TMEM131L: variants seen among roughly 807,000 people sequenced by gnomAD.
TMEM131L encodes transmembrane 131 like, also known as transmembrane protein 131-like.
TMEM131L carries 54 observed loss-of-function variants against 192.2 expected under a neutral mutation model. The ratio of observed to expected loss-of-function variants is 0.28; its 90% CI spans 0.23 to 0.35. TMEM131L has a LOEUF of 0.35. Among genes scored for constraint, TMEM131L ranks in the 10% least tolerant of loss-of-function variants. TMEM131L has a pLI of 1.00. For missense variants in TMEM131L, 1,888 were observed against 1,972.9 expected, an observed-to-expected ratio of 0.96 and a Z score of 0.82; for synonymous variants, 701 against 704.9, an observed-to-expected ratio of 0.99 and a Z score of 0.09.
At chr4:153,549,887 T>TA (rs1362677900) in intron 3 of TMEM131L, among the ~76,000 whole-genome samples, 186 bp from the exon 4 acceptor site, 1 of 152,230 alleles carries the variant, frequency 6.6e-6, no homozygotes, top group East Asian at 1.9e-4. Flanking sequence ...ACCGTAATCT[T>TA]AAATTATCTT....
At chr4:153,524,939 G>T (rs1472256386) in intron 3 of TMEM131L, among the ~76,000 whole-genome samples, 2 of 152,126 alleles carry the variant, frequency 1.3e-5, no homozygotes, top group Non-Finnish European at 1.5e-5. Flanking sequence ...TATGATATTG[G>T]CTTCATGTTG....
chr4:153,582,425 TTTTTG>T lies in TMEM131L; in HGVS notation c.893-762_893-758del, dbSNP rs796346909. Among the ~76,000 whole-genome samples the T allele has an allele frequency of 1.7e-4, 21 of 124,656 alleles. 1 individual carries two copies. Among genetic ancestry groups the T allele is most frequent in the African/African-American group, 1.0e-3 (21 of 21,092 alleles). The allele number at this position is 124,656 out of a possible 152,430, so 81.8% of individuals were successfully genotyped here. ...ATGCCTGGCTAATTTAAACCGTTTT[TTTTTG>T]TTGTTTTTTTTTTTTTTTTTTTTTT... On this transcript the variant is annotated intron_variant, in intron 9 of 34. Coordinates refer to ENST00000409959, the MANE Select transcript of TMEM131L (RefSeq NM_001131007.2).
intron 14 of TMEM131L, among the ~76,000 whole-genome samples, chr4:153,587,353 A>G (rs968103440): frequency 6.6e-6 from 1 of 152,044 alleles, no homozygotes. Flanking sequence ...ACTTCTGACC[A>G]CTGAGAATGT....
At chr4:153,574,461 G>C (rs1028378170) in intron 7 of TMEM131L, among the ~76,000 whole-genome samples, 2 of 152,180 alleles carry the variant, frequency 1.3e-5, no homozygotes, top group African/African-American at 4.8e-5. Context: ...TGAGTGTTAT[G>C]TGGAAGGCAC....
chr4:153,545,289 A>ATTTTTTTTTTTTTTTTTTT, intron 3 of TMEM131L, among the ~76,000 whole-genome samples: 2 of 102,188 alleles, frequency 2.0e-5, no homozygotes, highest in Admixed American at 9.8e-5. Flanking sequence ...ACTTTTTCAA[A>ATTTTTTTTTTTTTTTTTTT]CTTTTTTTTT....
intron 3 of TMEM131L, among the ~76,000 whole-genome samples, chr4:153,502,319 G>A (rs1031849354): frequency 6.6e-6 from 1 of 152,208 alleles, no homozygotes; most frequent in Non-Finnish European, 1.5e-5. Flanking sequence ...AGACTGGGAA[G>A]AGGAGTCTTT....
intron 3 of TMEM131L, among the ~76,000 whole-genome samples, chr4:153,507,049 A>G (rs1015109840): frequency 8.6e-5 from 13 of 152,012 alleles, no homozygotes; most frequent in Admixed American, 7.2e-4. Flanking sequence ...AGGAATGCAC[A>G]TTTTTTAAGG....
At chr4:153,541,016 T>C (rs1736739349) in intron 3 of TMEM131L, among the ~76,000 whole-genome samples, 1 of 152,202 alleles carries the variant, frequency 6.6e-6, no homozygotes, top group Non-Finnish European at 1.5e-5. Flanking sequence ...TAATGCAAAA[T>C]GTATTTTGTA....
chr4:153,606,751 T>C (rs1732266345), intron 25 of TMEM131L, among the ~76,000 whole-genome samples: 1 of 152,232 alleles, frequency 6.6e-6, no homozygotes, highest in African/African-American at 2.4e-5. Context: ...TTAAAAATAC[T>C]GTTTGGCTGG....
At chr4:153,591,310 G>A in intron 17 of TMEM131L, 116 bp downstream of exon 17, 3 of 971,984 alleles carry the variant, frequency 3.1e-6, no homozygotes, top group Non-Finnish European at 4.4e-6. Context: ...TTAAGGCGAT[G>A]TCAAAAGAAC....
intron 3 of TMEM131L, among the ~76,000 whole-genome samples, chr4:153,546,223 T>C (rs1737165438): frequency 1.3e-5 from 2 of 151,844 alleles, no homozygotes; most frequent in Admixed American, 6.6e-5. Context: ...GCTTTTTTTT[T>C]TTTTTTACAA....
intron 3 of TMEM131L, among the ~76,000 whole-genome samples, chr4:153,544,873 T>A (rs1283750822): frequency 1.3e-5 from 2 of 152,206 alleles, no homozygotes; most frequent in Non-Finnish European, 2.9e-5. Flanking sequence ...CCTGCCTCCG[T>A]GCAGCTGAGC....
At chr4:153,598,839 A>G (rs1174437278) in intron 21 of TMEM131L, 107 bp downstream of exon 21, 5 of 890,996 alleles carry the variant, frequency 5.6e-6, no homozygotes, top group Admixed American at 3.7e-5. Flanking sequence ...TAAATTTTTA[A>G]ATTCTAAAAA....
At chr4:153,481,767 G>A (rs999766789) in intron 3 of TMEM131L, among the ~76,000 whole-genome samples, 12 of 152,154 alleles carry the variant, frequency 7.9e-5, no homozygotes, top group African/African-American at 2.9e-4. Context: ...CGAACTCCTG[G>A]GCTCAAGTGA....
Position 153,557,027 on chromosome 4 carries a change from G to C in TMEM131L, c.494G>C (p.Ser165Thr). 1 of 1,599,246 alleles carries C rather than the reference G, an allele frequency of 6.3e-7. No homozygotes were observed. The highest frequency in any genetic ancestry group is 2.2e-5 in the East Asian group (1 of 44,736). Residue 165 changes from serine (S) to threonine (T), a missense_variant, in exon 6 of 35, where the codon AGC becomes ACC. Ser to Thr is a moderately conservative substitution (Grantham distance 58). Transcript: ENST00000409959. ...ATTTTCTTACCTACTGAAGAAGGAA[G>C]CATTGAAAGTTCCTTATTTATTAAT... is the stretch of plus-strand genomic sequence containing the variant. ...RIIFLPTEEG[S>T]IESSLFINTS... is the part of the protein sequence containing the mutation.
chr4:153,558,353 G>A lies in TMEM131L; in HGVS notation c.645G>A (p.Gln215=). The A allele has an allele frequency of 6.2e-7, 1 of 1,600,502 alleles. No homozygotes were observed. Among genetic ancestry groups the A allele is most frequent in the Non-Finnish European group, 8.6e-7 (1 of 1,169,412 alleles). ...TGCTTCCAAAGGTCCAGAGCATTCAGCTGTCTCAAATGCAGGTCATTTTAA... is the reference window on the plus strand; with the variant it reads ...TGCTTCCAAAGGTCCAGAGCATTCAACTGTCTCAAATGCAGGTCATTTTAA... The part of the protein sequence containing the change: ...YFLLPKVQSI[Q]LSQMQAETTN... Residue 215 remains glutamine, a synonymous_variant, in exon 7 of 35, where the codon CAG becomes CAA. Coordinates refer to ENST00000409959, the MANE Select transcript of TMEM131L (RefSeq NM_001131007.2).
chr4:153,495,212 G>A (rs1169241713), intron 3 of TMEM131L, among the ~76,000 whole-genome samples: 1 of 152,098 alleles, frequency 6.6e-6, no homozygotes, highest in Non-Finnish European at 1.5e-5. Context: ...CTACTCAGGA[G>A]GCTCTGAGGT....
chr4:153,619,116 GT>G (rs1390092710), intron 26 of TMEM131L, among the ~76,000 whole-genome samples: 6 of 152,192 alleles, frequency 3.9e-5, no homozygotes, highest in African/African-American at 4.8e-5. Flanking sequence ...CAGGATGACA[GT>G]TCCAACCAGA....
At chr4:153,576,604 G>A (rs948966772) in intron 7 of TMEM131L, among the ~76,000 whole-genome samples, 2 of 150,180 alleles carry the variant, frequency 1.3e-5, no homozygotes, top group African/African-American at 4.9e-5. Flanking sequence ...TTCATTTGAA[G>A]AAATATTGTA....
Sources: allele counts gnomAD v4.1 joint callset (sites outside exome capture counted in the v4.1 genomes callset), GRCh38; gene constraint gnomAD v4.1.1; transcripts MANE v1.5; gene names NCBI Gene and HGNC (gene_info 2026-07-23, HGNC 2026-07-21).